The following FANCD2 variants were observed in gnomAD, a reference collection of about 807,000 sequenced individuals.
The protein encoded by FANCD2 is FA complementation group D2.
In FANCD2, 131 loss-of-function variants were observed where a neutral mutation model predicts 192.3. That is an observed-to-expected ratio of 0.68 (90% CI 0.59 to 0.79). The LOEUF (loss-of-function observed/expected upper bound fraction) is 0.79. Ranked by LOEUF, FANCD2 falls within the 30% of genes least tolerant of loss-of-function variation. The probability of loss-of-function intolerance (pLI) is 0.00; values close to 1 mark genes in which losing one functional copy is unlikely to be tolerated. For missense variants in FANCD2, 1,508 were observed against 1,701.6 expected, an observed-to-expected ratio of 0.89 and a Z score of 2.00; for synonymous variants, 524 against 612.5, an observed-to-expected ratio of 0.86 and a Z score of 2.13.
intron 2 of FANCD2, among the ~76,000 whole-genome samples, chr3:10,031,306 A>G (rs1294570050): frequency 6.6e-6 from 1 of 152,114 alleles, no homozygotes. Flanking sequence ...GATTGAGACC[A>G]TCTTGGCTAA....
intron 36 of FANCD2, among the ~76,000 whole-genome samples, chr3:10,090,078 A>G (rs1694494311): frequency 6.6e-6 from 1 of 151,652 alleles, no homozygotes; most frequent in African/African-American, 2.4e-5. Context: ...CTACCATAAC[A>G]CCTCCTTTCA....
intron 2 of FANCD2, among the ~76,000 whole-genome samples, chr3:10,029,402 G>C (rs1254386127): frequency 6.6e-6 from 1 of 152,168 alleles, no homozygotes; most frequent in East Asian, 1.9e-4. Context: ...TGAGGAGGCT[G>C]AAGTGGAAGG....
At chr3:10,060,882 T>C (rs1423561069) in intron 19 of FANCD2, among the ~76,000 whole-genome samples, 1 of 152,216 alleles carries the variant, frequency 6.6e-6, no homozygotes, top group African/African-American at 2.4e-5. Flanking sequence ...GATAAGATGT[T>C]GCCATTACAA....
intron 26 of FANCD2, 98 bp downstream of exon 26, chr3:10,067,415 C>T (rs1575798002): frequency 1.4e-6 from 1 of 739,256 alleles, no homozygotes; most frequent in Non-Finnish European, 2.4e-6. Flanking sequence ...AAAGACACAT[C>T]AAAAAAAGAA....
intron 16 of FANCD2, among the ~76,000 whole-genome samples, chr3:10,048,270 T>A (rs747177755): frequency 2.4e-4 from 37 of 152,358 alleles, no homozygotes; most frequent in Non-Finnish European, 5.0e-4. Flanking sequence ...GAAATTAAGA[T>A]CCAGATCTAG....
At chr3:10,040,834 G>A (rs962063143) in intron 9 of FANCD2, 30 of 259,798 alleles carry the variant, frequency 1.2e-4, no homozygotes, top group Admixed American at 4.7e-4. Flanking sequence ...AAAGTACTAC[G>A]CCATCCACTT....
chr3:10,064,704 A>G, intron 22 of FANCD2, 25 bp from the exon 23 acceptor site: 1 of 1,613,742 alleles, frequency 6.2e-7, no homozygotes, highest in Non-Finnish European at 8.5e-7. Flanking sequence ...GAGCTGCAAC[A>G]TCAGATTCTG....
chr3:10,066,873 T>C (rs944288956), intron 25 of FANCD2, among the ~76,000 whole-genome samples: 10 of 152,100 alleles, frequency 6.6e-5, no homozygotes, highest in Non-Finnish European at 1.3e-4. Context: ...TACAGATGTG[T>C]GCCACCATGC....
Position 10,069,489 on chromosome 3 carries a change from C to CCT in FANCD2, c.2494+2172_2494+2173insCT, listed in dbSNP as rs2087815375. Among the ~76,000 whole-genome samples, 3 of 141,014 alleles carry CCT rather than the reference C, an allele frequency of 2.1e-5. 1 individual carries two copies. The highest frequency in any genetic ancestry group is 1.4e-4 in the Admixed American group (2 of 14,566). 92.5% of individuals were successfully genotyped at this position (141,014 alleles called of 152,430 possible). The stretch of plus-strand genomic sequence containing the variant: ...TCCCCCTCCCCCTCCCCCTCCCCCT[C>CCT]TCCCGTCTCCCTCTGATGCCGAGCC... On this transcript the variant is annotated intron_variant, in intron 26 of 43. Transcript: ENST00000675286.
chr3:10,034,786 A>C lies in FANCD2; in HGVS notation c.365A>C (p.Asp122Ala), dbSNP rs756313149. 8.3e-6 allele frequency: 13 copies of C among 1,557,098 alleles called. No individual in the cohort carries two copies. The East Asian group carries it at 2.6e-4, about 31-fold the overall frequency. The change falls in exon 5 of 44, where the codon GAT becomes GCT. Residue 122 changes from aspartate (D) to alanine (A), a missense_variant. Asp to Ala is a moderately radical substitution (Grantham distance 126). Transcript: ENST00000675286. ...CTTTTGTCTTGTGAGCGTCTGCAGG[A>C]TGAGGAAGCCAGGTGTGGAGAGGAG... ...NCLLSCERLQ[D>A]EEASMGASYS...
chr3:10,058,410 A>G (rs1196922009), intron 18 of FANCD2: 1 of 152,216 alleles, frequency 6.6e-6, no homozygotes, highest in Non-Finnish European at 1.5e-5. Context: ...TTAAGATACC[A>G]TTGCCGAATC....
At chr3:10,095,758 G>C (rs1024542283) in intron 41 of FANCD2, among the ~76,000 whole-genome samples, 1 of 152,132 alleles carries the variant, frequency 6.6e-6, no homozygotes, top group Admixed American at 6.6e-5. Flanking sequence ...GTCACGTTTT[G>C]TCTGAATGAA....
chr3:10,041,704 A>G lies in FANCD2; in HGVS notation c.777A>G (p.Leu259=), dbSNP rs1272150079. ...GCCTCCGACTTGACCCAAACTTCCT[A>G]TTGAAGGTAGAAAAGACTCAGCTTT... ...LSSLRLDPNF[L]LKVRQLVMDK... is the part of the protein sequence containing the mutation. The change falls in exon 10 of 44, where the codon CTA becomes CTG. Residue 259 remains leucine, a synonymous_variant. Coordinates refer to ENST00000675286, the MANE Select transcript of FANCD2 (RefSeq NM_001018115.3). 6 of 1,613,174 alleles carry G rather than the reference A, an allele frequency of 3.7e-6. No homozygotes were observed. Among genetic ancestry groups the G allele is most frequent in the South Asian group, 2.2e-5 (2 of 91,064 alleles).
In FANCD2 at chr3:10,078,098, A is replaced by T. The variant is rs145953386; in HGVS notation, c.2877A>T (p.Gln959His). ...TGTGACAGGCTACAGAAGTTGTGCA[A>T]CTTGGGCCCCCTGAGCTGCTTTTCT... ...EMHTEATEVV[Q>H]LGPPELLFLL... Residue 959 changes from glutamine to histidine, a missense_variant, in exon 30 of 44, where the codon CAA becomes CAT. Physicochemically the swap from Gln to His is conservative, Grantham distance 24. Transcript: ENST00000675286. The T allele has an allele frequency of 1.2e-6, 2 of 1,613,326 alleles. No homozygotes were observed. Among genetic ancestry groups the T allele is most frequent in the Non-Finnish European group, 1.7e-6 (2 of 1,179,358 alleles).
At chr3:10,096,717 T>C (rs1694988058) in intron 42 of FANCD2, among the ~76,000 whole-genome samples, 1 of 152,132 alleles carries the variant, frequency 6.6e-6, no homozygotes, top group Non-Finnish European at 1.5e-5. Context: ...GCCTCAGACA[T>C]AAAGGAGTCA....
At chr3:10,054,584 C>T (rs377718759) in intron 18 of FANCD2, among the ~76,000 whole-genome samples, 5 of 141,250 alleles carry the variant, frequency 3.5e-5, no homozygotes, top group South Asian at 2.3e-4. Flanking sequence ...CCCAGGTTCC[C>T]GCCATTCTCC....
Position 10,032,821 on chromosome 3 carries a change from T to C in FANCD2, c.65-11T>C. ...TATTTGCCATATTCTTGAAAATTTT[T>C]CTATTTTCAGAAACCAGGAAGCAAC... is the stretch of plus-strand genomic sequence containing the variant. On this transcript the variant is annotated splice_polypyrimidine_tract_variant and intron_variant, in intron 2 of 43. Transcript: ENST00000675286. 1 of 1,609,186 alleles carries C rather than the reference T, an allele frequency of 6.2e-7. No individual in the cohort carries two copies. The highest frequency in any genetic ancestry group is 1.1e-5 in the South Asian group (1 of 90,278).
In FANCD2 at chr3:10,034,484, C is replaced by T. The variant is rs1322001072; in HGVS notation, c.221C>T (p.Ala74Val). ...TTCTGCATAGCTGTGGATCAAATAG[C>T]TTTCCAAAAGAAGCTCTTTCAGACC... ...SQNQLAVDQI[A>V]FQKKLFQTLR... Residue 74 changes from alanine (A) to valine (V), a missense_variant, in exon 4 of 44, where the codon GCT (alanine) becomes GTT (valine). Coordinates refer to ENST00000675286, the MANE Select transcript of FANCD2 (RefSeq NM_001018115.3). The T allele has an allele frequency of 1.9e-6, 3 of 1,612,280 alleles. No homozygotes were observed. Among genetic ancestry groups the T allele is most frequent in the African/African-American group, 2.7e-5 (2 of 74,818 alleles).
intron 14 of FANCD2, among the ~76,000 whole-genome samples, chr3:10,045,267 C>A (rs578133386): frequency 1.5e-3 from 224 of 152,108 alleles, no homozygotes; most frequent in Non-Finnish European, 2.9e-3. Context: ...CTCCTGGGTT[C>A]ACGCCATTCT....
Sources: gnomAD v4.1 joint callset for allele counts (sites outside exome capture counted in the v4.1 genomes callset) on GRCh38, gnomAD v4.1.1 for gene constraint, MANE v1.5 for transcripts, NCBI Gene and HGNC (gene_info 2026-07-23, HGNC 2026-07-21) for gene names.